The following ADAMTS16 variants were observed in gnomAD, a reference collection of about 807,000 sequenced individuals.
ADAMTS16 encodes the protein A disintegrin and metalloproteinase with thrombospondin motifs 16.
Under a neutral mutation model 145.8 loss-of-function variants are expected in ADAMTS16, and 94 were observed. That is an observed-to-expected ratio of 0.64 (90% CI 0.55 to 0.77). ADAMTS16 has a LOEUF of 0.77. Ranked by LOEUF, ADAMTS16 falls within the 30% of genes least tolerant of loss-of-function variation. The probability of loss-of-function intolerance (pLI) is 0.00; values close to 1 mark genes in which losing one functional copy is unlikely to be tolerated. For missense variants in ADAMTS16, 1,585 were observed against 1,591.5 expected (o/e 1.00, Z 0.07); for synonymous variants, 659 against 604.3 (o/e 1.09, Z -1.33).
At chr5:5,187,998 G>GT (rs936877228) in intron 6 of ADAMTS16, among the ~76,000 whole-genome samples, 190 bp downstream of exon 6, 54 of 152,206 alleles carry the variant, frequency 3.5e-4, no homozygotes, top group African/African-American at 1.2e-3. Flanking sequence ...TTTTTGTGGG[G>GT]TTTTTTGTGC....
Position 5,319,907 on chromosome 5 carries a change from T to G in ADAMTS16, c.*769T>G. 2.2e-6 allele frequency: 1 copy of G among 455,698 alleles called. No individual in the cohort carries two copies. Among genetic ancestry groups the G allele is most frequent in the Non-Finnish European group, 4.4e-6 (1 of 226,784 alleles). The allele number at this position is 455,698 out of a possible 1,614,324, so 28.2% of individuals were successfully genotyped here. A position where few individuals can be genotyped will look rare whatever the true frequency, so the allele number is the denominator to read the frequency against. ...AGTTATTTGCAAGTGAGTGTCCTTT[T>G]AAAAACACACTTCTTCATGCTTTTC... On this transcript the variant is annotated 3_prime_UTR_variant, in exon 23 of 23. Coordinates refer to ENST00000274181, the MANE Select transcript of ADAMTS16 (RefSeq NM_139056.4).
At chr5:5,150,031 T>G (rs933595982) in intron 3 of ADAMTS16, among the ~76,000 whole-genome samples, 2 of 152,218 alleles carry the variant, frequency 1.3e-5, no homozygotes, top group African/African-American at 4.8e-5. Context: ...GTGTCTTCAT[T>G]TCTCTTGGGT....
At position 5,319,073 on chromosome 5, in the gene ADAMTS16, G is replaced by A. The variant is rs948925087; in HGVS notation, c.3610G>A (p.Gly1204Arg). The change falls in exon 23 of 23, where the codon GGG becomes AGG. Residue 1204 changes from glycine to arginine, a missense_variant. Around this residue, in one of 3 missense-constraint regions of ADAMTS16, gnomAD observed 834 missense variants for 811.7 expected, o/e 1.03. Transcript: ENST00000274181. ...CTGGTGCTACCTGGTACCCCAGCAC[G>A]GGATGTGCAGCCACAAGTTCTACGG... ...FHWCYLVPQH[G>R]MCSHKFYGKQ... is the part of the protein sequence containing the mutation. 26 of 1,613,412 alleles carry A rather than the reference G, an allele frequency of 1.6e-5. No individual in the cohort carries two copies. The highest frequency in any genetic ancestry group is 2.2e-5 in the Non-Finnish European group (26 of 1,179,862).
chr5:5,245,073 T>C (rs1737401014), intron 17 of ADAMTS16, among the ~76,000 whole-genome samples: 1 of 152,246 alleles, frequency 6.6e-6, no homozygotes, highest in African/African-American at 2.4e-5. Flanking sequence ...AAGCACTTTT[T>C]CAGAATTTAC....
At chr5:5,283,151 A>G (rs1047681633) in intron 18 of ADAMTS16, among the ~76,000 whole-genome samples, 3 of 152,152 alleles carry the variant, frequency 2.0e-5, no homozygotes, top group Non-Finnish European at 4.4e-5. Flanking sequence ...AGGCAATGAC[A>G]TATATTTCTA....
At position 5,310,543 on chromosome 5, in the gene ADAMTS16, G is replaced by A. The variant is rs1235385073; in HGVS notation, c.3411+3815G>A. Among the ~76,000 whole-genome samples, 1 of 152,206 alleles carries A rather than the reference G, an allele frequency of 6.6e-6. No individual in the cohort carries two copies. The highest frequency in any genetic ancestry group is 1.5e-5 in the Non-Finnish European group (1 of 68,034). On this transcript the variant is annotated intron_variant, in intron 21 of 22. Transcript: ENST00000274181. The surrounding 1 kb of genome is among the most constrained non-coding windows in gnomAD (Gnocchi z 4.3). ...TGGCTGTCCTCGTGAGAAGACCACA[G>A]GAAGACACAGAGACTCCTCACATGG...
chr5:5,229,840 A>C (rs1189321396), intron 11 of ADAMTS16, among the ~76,000 whole-genome samples: 1 of 152,218 alleles, frequency 6.6e-6, no homozygotes, highest in Non-Finnish European at 1.5e-5. Context: ...AAGAATTAGA[A>C]TATCATTAGC....
intron 7 of ADAMTS16, 128 bp downstream of exon 7, chr5:5,190,258 A>G (rs1324367089): frequency 3.1e-6 from 3 of 980,494 alleles, no homozygotes; most frequent in Non-Finnish European, 4.3e-6. Context: ...GAAGGTGTAA[A>G]GACTCACTTC....
chr5:5,286,486 T>G (rs1739103668), intron 18 of ADAMTS16, among the ~76,000 whole-genome samples: 1 of 152,206 alleles, frequency 6.6e-6, no homozygotes, highest in Non-Finnish European at 1.5e-5. Flanking sequence ...TGGAAGTTGA[T>G]TCCAAAGAAT....
chr5:5,228,318 C>A (rs1238511429), intron 11 of ADAMTS16, among the ~76,000 whole-genome samples: 2 of 152,014 alleles, frequency 1.3e-5, no homozygotes, highest in Non-Finnish European at 2.9e-5. Flanking sequence ...TCAGTAATCA[C>A]GTTATTATTG....
At chr5:5,171,439 A>T (rs1309311561) in intron 3 of ADAMTS16, among the ~76,000 whole-genome samples, 1 of 152,146 alleles carries the variant, frequency 6.6e-6, no homozygotes, top group Non-Finnish European at 1.5e-5. Flanking sequence ...GTGCTGAGGT[A>T]TGTTCCTTCT....
chr5:5,298,478 G>A (rs948089449), intron 18 of ADAMTS16, among the ~76,000 whole-genome samples: 3 of 98,068 alleles, frequency 3.1e-5, no homozygotes, highest in Non-Finnish European at 4.6e-5. Context: ...CAAGCCAACC[G>A]AGGAGGATGG....
chr5:5,223,969 A>G (rs1736680945), intron 11 of ADAMTS16, among the ~76,000 whole-genome samples: 1 of 152,042 alleles, frequency 6.6e-6, no homozygotes, highest in Admixed American at 6.6e-5. Flanking sequence ...AATACCAAAG[A>G]AAATATATCA....
At chr5:5,226,204 A>G (rs1736761884) in intron 11 of ADAMTS16, among the ~76,000 whole-genome samples, 1 of 152,204 alleles carries the variant, frequency 6.6e-6, no homozygotes, top group Non-Finnish European at 1.5e-5. Flanking sequence ...GCTGACAAAG[A>G]TATACCTGAG....
At chr5:5,315,950 G>C (rs1734042258) in intron 21 of ADAMTS16, among the ~76,000 whole-genome samples, 1 of 152,100 alleles carries the variant, frequency 6.6e-6, no homozygotes, top group Admixed American at 6.5e-5. Flanking sequence ...TCCTCATCCA[G>C]AGGGGAAAAA....
intron 18 of ADAMTS16, among the ~76,000 whole-genome samples, chr5:5,292,677 C>T: frequency 6.6e-6 from 1 of 152,208 alleles, no homozygotes; most frequent in Non-Finnish European, 1.5e-5. Context: ...CTGCCACTGC[C>T]TCCTCCAGTG....
At chr5:5,279,817 G>T (rs1299169405) in intron 18 of ADAMTS16, among the ~76,000 whole-genome samples, 1 of 151,342 alleles carries the variant, frequency 6.6e-6, no homozygotes, top group East Asian at 1.9e-4. Flanking sequence ...CTCTTTTAAG[G>T]CATCCTGCTC....
chr5:5,181,422 T>C (rs184651819), intron 3 of ADAMTS16, among the ~76,000 whole-genome samples: 6 of 152,362 alleles, frequency 3.9e-5, no homozygotes, highest in African/African-American at 1.4e-4. Context: ...GTATTTAGTC[T>C]GTTTTGCCCT....
chr5:5,318,195 G>A lies in ADAMTS16; in HGVS notation c.3473G>A (p.Arg1158Gln), dbSNP rs746561406. ...TRSVQCLAGGRPASGCLLHQK... is the reference protein window; with the variant it reads ...TRSVQCLAGGQPASGCLLHQK... Reference sequence around the variant, plus strand: ...TCCGTGCAGTGCCTGGCTGGGGGCCGGCCGGCCTCAGGCTGCCTCCTGCAC... The same window carrying A: ...TCCGTGCAGTGCCTGGCTGGGGGCCAGCCGGCCTCAGGCTGCCTCCTGCAC... Residue 1158 changes from arginine (R) to glutamine (Q), a missense_variant, in exon 22 of 23, where the codon CGG becomes CAG. Physicochemically the swap from Arg to Gln is conservative, Grantham distance 43. Coordinates refer to ENST00000274181, the MANE Select transcript of ADAMTS16 (RefSeq NM_139056.4). The A allele has an allele frequency of 9.6e-6, 15 of 1,562,786 alleles. No individual in the cohort carries two copies. Among genetic ancestry groups the A allele is most frequent in the Middle Eastern group, 1.8e-4 (1 of 5,574 alleles).
Sources: allele counts gnomAD v4.1 joint callset (sites outside exome capture counted in the v4.1 genomes callset), GRCh38; gene constraint gnomAD v4.1.1; regional missense constraint gnomAD v4.1.1; non-coding constraint Gnocchi (gnomAD v3.1); transcripts MANE v1.5; gene names NCBI Gene and HGNC (gene_info 2026-07-23, HGNC 2026-07-21).